The following GOLT1A variants were observed in gnomAD, a reference collection of about 807,000 sequenced individuals.
GOLT1A encodes golgi transport 1A, also known as vesicle transport protein GOT1A.
GOLT1A carries 10 observed loss-of-function variants against 16.1 expected under a neutral mutation model. The ratio of observed to expected loss-of-function variants is 0.62; its 90% confidence interval spans 0.38 to 1.05. The LOEUF (loss-of-function observed/expected upper bound fraction) is 1.05, where lower values mean the gene tolerates loss of function less well. Among genes scored for constraint, GOLT1A ranks in the 50% least tolerant of loss-of-function variants. GOLT1A has a pLI of 0.01. For missense variants in GOLT1A, 137 were observed against 165.7 expected (o/e 0.83, Z 0.95); for synonymous variants, 60 against 67.9 (o/e 0.88, Z 0.57).
intron 1 of GOLT1A, among the ~76,000 whole-genome samples, chr1:204,210,984 A>C (rs1335212037): frequency 7.2e-6 from 1 of 139,582 alleles, no homozygotes; most frequent in African/African-American, 2.7e-5. Context: ...CACTTAACGC[A>C]GAAGCCCACC....
Position 204,199,182 on chromosome 1 carries a change from A to G in GOLT1A, c.360+13T>C. On this transcript the variant is annotated intron_variant, in intron 4 of 4. Transcript: ENST00000308302. ...AGGGTACGCCCGCAGGGCTGCAGGCATCATCTGCTTACCGCACCCAGGAAG... is the reference window on the plus strand; with the variant it reads ...AGGGTACGCCCGCAGGGCTGCAGGCGTCATCTGCTTACCGCACCCAGGAAG... The G allele has an allele frequency of 6.3e-7, 1 of 1,585,838 alleles. No homozygotes were observed. The highest frequency in any genetic ancestry group is 8.6e-7 in the Non-Finnish European group (1 of 1,166,418).
intron 1 of GOLT1A, among the ~76,000 whole-genome samples, chr1:204,208,474 G>GTATATATA (rs1175788237): frequency 5.0e-3 from 156 of 31,400 alleles, no homozygotes; most frequent in Non-Finnish European, 9.7e-3. Context: ...GTGTGTGTGT[G>GTATATATA]TGTATATATA....
chr1:204,203,812 C>T (rs1658999423), intron 1 of GOLT1A, among the ~76,000 whole-genome samples: 1 of 151,360 alleles, frequency 6.6e-6, no homozygotes, highest in South Asian at 2.1e-4. Flanking sequence ...TGACAGTGAG[C>T]CCCCATTCCC....
At chr1:204,202,522 A>G (rs1040254053) in intron 2 of GOLT1A, among the ~76,000 whole-genome samples, 1 of 151,874 alleles carries the variant, frequency 6.6e-6, no homozygotes, top group African/African-American at 2.4e-5. Flanking sequence ...TGTGTTTACC[A>G]TGGCCCCTGC....
chr1:204,208,422 A>G (rs150426298), intron 1 of GOLT1A, among the ~76,000 whole-genome samples: 4,576 of 65,638 alleles, frequency 0.07, 522 homozygotes, highest in African/African-American at 0.12. Context: ...ATGTATACAT[A>G]TGTGTATATG....
chr1:204,199,378 T>G (rs550261336), intron 3 of GOLT1A, 120 bp from the exon 4 acceptor site: 20 of 760,834 alleles, frequency 2.6e-5, no homozygotes, highest in Non-Finnish European at 4.4e-5. Flanking sequence ...GGGACAGGCT[T>G]GATTCTGCAC....
At chr1:204,202,604 C>T (rs1012052908) in intron 2 of GOLT1A, among the ~76,000 whole-genome samples, 1 of 152,030 alleles carries the variant, frequency 6.6e-6, no homozygotes, top group Non-Finnish European at 1.5e-5. Flanking sequence ...GGGACAGTGT[C>T]TGAGTCCTCT....
intron 2 of GOLT1A, 36 bp from the exon 3 acceptor site, chr1:204,201,847 C>T: frequency 6.2e-7 from 1 of 1,601,116 alleles, no homozygotes; most frequent in Non-Finnish European, 8.5e-7. Flanking sequence ...AGCAAACCCA[C>T]CAGCCCCCTG....
At chr1:204,198,846 C>A in intron 4 of GOLT1A, 1 of 470,478 alleles carries the variant, frequency 2.1e-6, no homozygotes. Flanking sequence ...GCCTGGGGCC[C>A]GCACTTAGCC....
At chr1:204,201,247 G>C (rs1420920357) in intron 3 of GOLT1A, among the ~76,000 whole-genome samples, 2 of 152,234 alleles carry the variant, frequency 1.3e-5, no homozygotes, top group African/African-American at 4.8e-5. Flanking sequence ...CCTTATCTAT[G>C]AAGTAGAGGA....
chr1:204,211,826 GT>G (rs1659141225), intron 1 of GOLT1A, among the ~76,000 whole-genome samples: 1 of 152,146 alleles, frequency 6.6e-6, no homozygotes, highest in Admixed American at 6.5e-5. Context: ...ACAACTTGGA[GT>G]GGGGGTGCTA....
At chr1:204,208,069 C>G (rs1180912288) in intron 1 of GOLT1A, among the ~76,000 whole-genome samples, 1 of 152,096 alleles carries the variant, frequency 6.6e-6, no homozygotes, top group Non-Finnish European at 1.5e-5. Context: ...GGAATGTAAA[C>G]TAGAATAGCC....
intron 1 of GOLT1A, 23 bp from the exon 2 acceptor site, chr1:204,203,010 G>A (rs1658986832): frequency 6.2e-7 from 1 of 1,601,076 alleles, no homozygotes; most frequent in Non-Finnish European, 8.6e-7. Context: ...AGGAGGTGGT[G>A]GAGGAAAGGG....
At chr1:204,202,379 C>G (rs1658977105) in intron 2 of GOLT1A, among the ~76,000 whole-genome samples, 1 of 151,812 alleles carries the variant, frequency 6.6e-6, no homozygotes, top group Non-Finnish European at 1.5e-5. Context: ...TTCCCCACAC[C>G]TTTTCTCCTG....
chr1:204,211,180 G>T (rs895459562), intron 1 of GOLT1A, among the ~76,000 whole-genome samples: 1 of 151,898 alleles, frequency 6.6e-6, no homozygotes, highest in African/African-American at 2.4e-5. Flanking sequence ...TTCTCCACAC[G>T]GCGCTCAAAG....
intron 1 of GOLT1A, 74 bp downstream of exon 1, chr1:204,213,808 C>T: frequency 1.3e-6 from 2 of 1,538,926 alleles, no homozygotes; most frequent in East Asian, 2.3e-5. Context: ...ACAGAGAGCC[C>T]AGCTGGGAGA....
rs373602407 is a variant in GOLT1A, at chr1:204,211,751, G to GGTGC, written c.25+2127_25+2130dup. 2.9e-3 allele frequency among the ~76,000 whole-genome samples: 442 copies of GGTGC among 152,220 alleles called. 1 individual carries two copies. Among genetic ancestry groups the GGTGC allele is most frequent in the African/African-American group, 9.3e-3 (388 of 41,526 alleles). ...GAGGGGATTGTGGGTGGGGAAGCGG[G>GGTGC]GTGCGGGATGGAAATTTGTTTCCCA... On this transcript the variant is annotated intron_variant, in intron 1 of 4. Coordinates refer to ENST00000308302, the MANE Select transcript of GOLT1A (RefSeq NM_198447.2).
intron 1 of GOLT1A, among the ~76,000 whole-genome samples, chr1:204,203,369 A>G (rs1278382970): frequency 6.6e-6 from 1 of 152,138 alleles, no homozygotes; most frequent in Non-Finnish European, 1.5e-5. Context: ...GCCTTGTGCA[A>G]CTGAGAACCA....
chr1:204,211,625 G>A (rs1359608899), intron 1 of GOLT1A, among the ~76,000 whole-genome samples: 1 of 152,072 alleles, frequency 6.6e-6, no homozygotes, highest in Admixed American at 6.5e-5. Flanking sequence ...TTACTTGCAG[G>A]CTAATTGGTT....
Sources: allele counts gnomAD v4.1 joint callset (sites outside exome capture counted in the v4.1 genomes callset), GRCh38; gene constraint gnomAD v4.1.1; transcripts MANE v1.5; gene names NCBI Gene and HGNC (gene_info 2026-07-23, HGNC 2026-07-21).